Variants in ANKRD30A observed in about 807,000 individuals in gnomAD.
ANKRD30A encodes the protein ankyrin repeat domain 30A.
ANKRD30A carries 170 observed loss-of-function variants against 166.3 expected under a neutral mutation model. That is an observed-to-expected ratio of 1.02 (90% CI 0.90 to 1.16). ANKRD30A has a LOEUF of 1.16. ANKRD30A is among the 50% of genes most tolerant of loss of function. The probability of loss-of-function intolerance (pLI) is 0.00; values close to 1 mark genes in which losing one functional copy is unlikely to be tolerated. For missense variants in ANKRD30A, 1,630 were observed against 1,518.0 expected (o/e 1.07, Z -1.23); for synonymous variants, 564 against 508.9 (o/e 1.11, Z -1.46).
chr10:37,228,915 A>G (rs182694548), intron 34 of ANKRD30A, among the ~76,000 whole-genome samples: 353 of 152,120 alleles, frequency 2.3e-3, no homozygotes, highest in Middle Eastern at 0.02. Context: ...GGTTAAAACA[A>G]CAACATTTGT....
chr10:37,243,764 C>T, the ANKRD30A span, among the ~76,000 whole-genome samples: 4 of 152,170 alleles, frequency 2.6e-5, no homozygotes, highest in South Asian at 8.3e-4. Context: ...TTGTAACAAA[C>T]AGTAAACATT....
In ANKRD30A at chr10:37,217,681, A is replaced by G. The variant is rs1842671832; in HGVS notation, c.3084-14A>G. ...TAACAAAATGAATTTTAAGATAAGTATGTTTAATGGCAGATTGACTTTAAA... is the reference window on the plus strand; with the variant it reads ...TAACAAAATGAATTTTAAGATAAGTGTGTTTAATGGCAGATTGACTTTAAA... On this transcript the variant is annotated splice_polypyrimidine_tract_variant and intron_variant, in intron 32 of 35. Coordinates refer to ENST00000361713, the MANE Select transcript of ANKRD30A (RefSeq NM_052997.3). The G allele has an allele frequency of 2.0e-6, 3 of 1,507,488 alleles. No individual in the cohort carries two copies. The highest frequency in any genetic ancestry group is 1.3e-5 in the South Asian group (1 of 75,368). The allele number at this position is 1,507,488 out of a possible 1,614,324, so 93.4% of individuals were successfully genotyped here. A position where few individuals can be genotyped will look rare whatever the true frequency, so the allele number is the denominator to read the frequency against.
chr10:37,234,569 T>C (rs1289319731), downstream of ANKRD30A, among the ~76,000 whole-genome samples: 1 of 152,168 alleles, frequency 6.6e-6, no homozygotes, highest in Admixed American at 6.5e-5. Context: ...TGTCTAAATG[T>C]CTTCTTGTTT....
At chr10:37,239,629 A>C in the ANKRD30A span, among the ~76,000 whole-genome samples, 52 of 152,256 alleles carry the variant, frequency 3.4e-4, no homozygotes, top group African/African-American at 1.2e-3. Context: ...AAAGAAATGC[A>C]TTCATTGCAA....
intron 31 of ANKRD30A, among the ~76,000 whole-genome samples, chr10:37,201,749 A>G (rs1841640297): frequency 6.6e-6 from 1 of 152,034 alleles, no homozygotes; most frequent in Non-Finnish European, 1.5e-5. Context: ...ACCTTCTAGT[A>G]CCAAAATTTA....
chr10:37,136,656 CA>C lies in ANKRD30A; in HGVS notation c.809del (p.Asn270IlefsTer127). The C allele has an allele frequency of 2.1e-6, 3 of 1,419,286 alleles. No homozygotes were observed. The highest frequency in any genetic ancestry group is 2.9e-6 in the Non-Finnish European group (3 of 1,030,074). The allele number at this position is 1,419,286 out of a possible 1,614,324, so 87.9% of individuals were successfully genotyped here. A position where few individuals can be genotyped will look rare whatever the true frequency, so the allele number is the denominator to read the frequency against. Reference protein sequence around the residue: ...EYIRKLSKNHQNTNPEGTSAG... With the variant: ...EYIRKLSKNHXNTNPEGTSAG... ...TATACGAAAATTATCTAAAAATCAT[CA>C]AAATACCAATCCAGGTAAGACTTCT... On this transcript the variant is annotated frameshift_variant, in exon 6 of 36. Transcript: ENST00000361713. LOFTEE classifies it high-confidence loss of function.
chr10:37,172,465 A>G (rs1229862217), intron 21 of ANKRD30A, among the ~76,000 whole-genome samples: 4 of 132,836 alleles, frequency 3.0e-5, no homozygotes, highest in South Asian at 4.7e-4. Flanking sequence ...ACAAAGAGAA[A>G]GGAAATGTTG....
chr10:37,163,026 A>G (rs1326081695), intron 17 of ANKRD30A, among the ~76,000 whole-genome samples, 178 bp downstream of exon 17: 1 of 152,140 alleles, frequency 6.6e-6, no homozygotes, highest in Non-Finnish European at 1.5e-5. Flanking sequence ...AATTTTCAAT[A>G]TATTTTTTAA....
At chr10:37,141,457 C>T (rs1319498172) in intron 6 of ANKRD30A, among the ~76,000 whole-genome samples, 1 of 150,230 alleles carries the variant, frequency 6.7e-6, no homozygotes, top group Non-Finnish European at 1.5e-5. Context: ...GTAATCCCAG[C>T]TACTTGGGAG....
chr10:37,232,654 T>TTATCTATATATATATA (rs1843466959), downstream of ANKRD30A: 1 of 54,214 alleles, frequency 1.8e-5, no homozygotes, highest in Non-Finnish European at 3.5e-5. Context: ...AGCATTGGTT[T>TTATCTATATATATATA]TATATATATA....
intron 12 of ANKRD30A, 137 bp from the exon 13 acceptor site, chr10:37,153,435 A>C (rs1425666496): frequency 3.1e-6 from 4 of 1,292,216 alleles, no homozygotes; most frequent in Non-Finnish European, 4.2e-6. Flanking sequence ...GGTTTTCTAT[A>C]TGTATCTGCA....
chr10:37,234,001 T>C (rs1303867234), downstream of ANKRD30A, among the ~76,000 whole-genome samples: 2 of 152,190 alleles, frequency 1.3e-5, no homozygotes, highest in African/African-American at 2.4e-5. Context: ...GGAATATTGT[T>C]AATTTGAAGG....
At chr10:37,146,410 TATC>T (rs1360582175) in intron 8 of ANKRD30A, among the ~76,000 whole-genome samples, 2 of 130,232 alleles carry the variant, frequency 1.5e-5, no homozygotes, top group African/African-American at 2.8e-5. Flanking sequence ...ATAATTCTAT[TATC>T]ATGAATAATT....
chr10:37,151,241 G>A (rs1837912585), intron 11 of ANKRD30A, among the ~76,000 whole-genome samples: 1 of 152,088 alleles, frequency 6.6e-6, no homozygotes, highest in African/African-American at 2.4e-5. Flanking sequence ...AAGAAAACTG[G>A]ACATTATTTT....
intron 19 of ANKRD30A, among the ~76,000 whole-genome samples, chr10:37,167,448 C>A (rs1322764636): frequency 1.3e-5 from 2 of 151,400 alleles, no homozygotes; most frequent in East Asian, 3.9e-4. Context: ...TAACATGATA[C>A]ACGAAACCAG....
the ANKRD30A span, among the ~76,000 whole-genome samples, chr10:37,254,845 G>A: frequency 6.6e-6 from 1 of 151,808 alleles, no homozygotes; most frequent in African/African-American, 2.4e-5. Flanking sequence ...ACCACACCCA[G>A]CTAATTTTTT....
At chr10:37,220,057 A>G (rs1478645583) in intron 34 of ANKRD30A, among the ~76,000 whole-genome samples, 160 bp downstream of exon 34, 1 of 141,278 alleles carries the variant, frequency 7.1e-6, no homozygotes, top group Non-Finnish European at 1.6e-5. Flanking sequence ...TAGATGATAA[A>G]TGCACTTACT....
At position 37,165,174 on chromosome 10, in the gene ANKRD30A, T is replaced by G; in HGVS notation, c.2064+19T>G. Reference sequence around the variant, plus strand: ...TACTGAGGTACTGTGTGTTGTTGATTTTTTTAAATATTAGTATTGCATGAT... The same window carrying G: ...TACTGAGGTACTGTGTGTTGTTGATGTTTTTAAATATTAGTATTGCATGAT... On this transcript the variant is annotated intron_variant, in intron 18 of 35. Coordinates refer to ENST00000361713, the MANE Select transcript of ANKRD30A (RefSeq NM_052997.3). The G allele has an allele frequency of 1.3e-6, 2 of 1,589,042 alleles. No homozygotes were observed. Among genetic ancestry groups the G allele is most frequent in the Non-Finnish European group, 8.6e-7 (1 of 1,158,264 alleles).
At chr10:37,194,414 T>C (rs1840884277) in intron 27 of ANKRD30A, among the ~76,000 whole-genome samples, 1 of 151,268 alleles carries the variant, frequency 6.6e-6, no homozygotes, top group Non-Finnish European at 1.5e-5. Context: ...CCATCTCGGC[T>C]CATGCAAGCT....
Sources: allele counts gnomAD v4.1 joint callset (sites outside exome capture counted in the v4.1 genomes callset), GRCh38; gene constraint gnomAD v4.1.1; transcripts MANE v1.5; gene names NCBI Gene and HGNC (gene_info 2026-07-23, HGNC 2026-07-21).